Variants in NUP35 observed in about 807,000 individuals in gnomAD.
NUP35 encodes the protein nucleoporin 35, also known as nucleoporin NUP35.
A neutral mutation model predicts 41.5 loss-of-function variants in NUP35; 25 were observed. The ratio of observed to expected loss-of-function variants is 0.60; its 90% CI spans 0.44 to 0.84. The LOEUF is 0.84. Among genes scored for constraint, NUP35 ranks in the 40% least tolerant of loss-of-function variants. NUP35 has a pLI of 0.00. For missense variants in NUP35, 396 were observed against 396.6 expected, an observed-to-expected ratio of 1.00 and a Z score of 0.01; for synonymous variants, 149 against 130.7, an observed-to-expected ratio of 1.14 and a Z score of -0.96.
intron 5 of NUP35, among the ~76,000 whole-genome samples, chr2:183,152,762 G>A (rs1307789745): frequency 6.6e-6 from 1 of 152,120 alleles, no homozygotes; most frequent in Non-Finnish European, 1.5e-5. Context: ...GGCAGATTAA[G>A]TGATTTATTC....
upstream of NUP35, among the ~76,000 whole-genome samples, chr2:183,122,334 C>A (rs374316540): frequency 2.0e-5 from 3 of 152,176 alleles, no homozygotes; most frequent in Non-Finnish European, 4.4e-5. Context: ...CCTTGGCCTC[C>A]CAAAGTGCTG....
At chr2:183,120,771 C>T (rs531021006), upstream of NUP35, among the ~76,000 whole-genome samples, 29 of 152,126 alleles carry the variant, frequency 1.9e-4, no homozygotes, top group Non-Finnish European at 1.8e-4. Context: ...ACTCTAAATT[C>T]TGCTAATGCA....
chr2:183,158,904 C>T (rs955491717), intron 7 of NUP35, among the ~76,000 whole-genome samples: 3 of 152,018 alleles, frequency 2.0e-5, no homozygotes, highest in Admixed American at 2.0e-4. Context: ...TTAAATAGTA[C>T]AGAGTACAAT....
intron 3 of NUP35, among the ~76,000 whole-genome samples, chr2:183,133,169 C>T (rs1021664994): frequency 6.6e-6 from 1 of 152,044 alleles, no homozygotes; most frequent in Non-Finnish European, 1.5e-5. Flanking sequence ...TTCATGGTTT[C>T]TAAGTATCTG....
chr2:183,143,110 C>T (rs1457291263), intron 4 of NUP35, among the ~76,000 whole-genome samples: 4 of 146,994 alleles, frequency 2.7e-5, no homozygotes, highest in African/African-American at 5.1e-5. Flanking sequence ...GAGCTGAGAT[C>T]GAGCCACTGC....
At chr2:183,143,309 C>T (rs566412958) in intron 4 of NUP35, among the ~76,000 whole-genome samples, 3 of 149,172 alleles carry the variant, frequency 2.0e-5, no homozygotes, top group East Asian at 3.9e-4. Flanking sequence ...TCTATCATTG[C>T]TGGTGAGCAA....
Position 183,161,134 on chromosome 2 carries a change from G to C in NUP35, c.*3G>C. ...TGGAGTACATGTTTGGCTGGTAGTA[G>C]AACACCAAGAAGGAGGTTGCTACAC... is the stretch of plus-strand genomic sequence containing the variant. On this transcript the variant is annotated 3_prime_UTR_variant, in exon 9 of 9. Coordinates refer to ENST00000295119, the MANE Select transcript of NUP35 (RefSeq NM_138285.5). 6.2e-7 allele frequency: 1 copy of C among 1,609,070 alleles called. No homozygotes were observed. The highest frequency in any genetic ancestry group is 8.5e-7 in the Non-Finnish European group (1 of 1,176,094).
At chr2:183,155,600 ATC>A (rs1294855491) in intron 5 of NUP35, among the ~76,000 whole-genome samples, 2 of 147,038 alleles carry the variant, frequency 1.4e-5, no homozygotes, top group African/African-American at 5.1e-5. Context: ...TTTTGAGACA[ATC>A]TCTCTGTTAT....
chr2:183,151,339 T>C (rs1160920300), intron 4 of NUP35, among the ~76,000 whole-genome samples, 169 bp from the exon 5 acceptor site: 3 of 152,234 alleles, frequency 2.0e-5, no homozygotes, highest in Admixed American at 2.0e-4. Flanking sequence ...TATTACTTCC[T>C]CTAATTGTAT....
At chr2:183,120,617 G>A (rs770603723), upstream of NUP35, among the ~76,000 whole-genome samples, 5 of 151,994 alleles carry the variant, frequency 3.3e-5, no homozygotes, top group African/African-American at 7.3e-5. Context: ...AAAACAAAGT[G>A]GAGCAGACAC....
intron 3 of NUP35, among the ~76,000 whole-genome samples, 189 bp from the exon 4 acceptor site, chr2:183,133,377 G>T: frequency 6.7e-6 from 1 of 149,992 alleles, no homozygotes; most frequent in Middle Eastern, 3.5e-3. Context: ...CAAATACTAA[G>T]GGATCTAGTA....
intron 6 of NUP35, 87 bp downstream of exon 6, chr2:183,157,600 T>G (rs988474093): frequency 1.9e-5 from 18 of 953,068 alleles, no homozygotes; most frequent in Non-Finnish European, 2.6e-5. Flanking sequence ...ATTTTGTGGG[T>G]TTTTTTTAAA....
chr2:183,155,853 C>T (rs1201415653), intron 5 of NUP35, among the ~76,000 whole-genome samples: 2 of 152,020 alleles, frequency 1.3e-5, no homozygotes, highest in Non-Finnish European at 1.5e-5. Flanking sequence ...AGTATTTTTT[C>T]GTATTTCAGA....
chr2:183,159,655 A>AT lies in NUP35; in HGVS notation c.903+7dup. On this transcript the variant is annotated splice_donor_region_variant and intron_variant, in intron 8 of 8. Coordinates refer to ENST00000295119, the MANE Select transcript of NUP35 (RefSeq NM_138285.5). ...AAGCCTCTACTAGTGATTATCAGGT[A>AT]TTTTAAGGATTGGATAAAAAAAGAT... The AT allele has an allele frequency of 6.2e-7, 1 of 1,607,746 alleles. No individual in the cohort carries two copies.
At chr2:183,159,219 A>G (rs1207181612) in intron 7 of NUP35, among the ~76,000 whole-genome samples, 1 of 152,080 alleles carries the variant, frequency 6.6e-6, no homozygotes, top group Non-Finnish European at 1.5e-5. Flanking sequence ...CTGATTTTTC[A>G]TAGTGTTTTA....
At chr2:183,158,811 A>T (rs1685766298) in intron 7 of NUP35, among the ~76,000 whole-genome samples, 1 of 152,154 alleles carries the variant, frequency 6.6e-6, no homozygotes, top group South Asian at 2.1e-4. Context: ...ACATTAACTG[A>T]TAGTTAACTT....
intron 3 of NUP35, 28 bp from the exon 4 acceptor site, chr2:183,133,538 A>G: frequency 6.3e-7 from 1 of 1,582,372 alleles, no homozygotes; most frequent in Non-Finnish European, 8.6e-7. Flanking sequence ...TTGCATTTTT[A>G]CCATAACACT....
intron 4 of NUP35, among the ~76,000 whole-genome samples, chr2:183,142,392 T>C (rs868628973): frequency 6.6e-6 from 1 of 152,218 alleles, no homozygotes; most frequent in African/African-American, 2.4e-5. Flanking sequence ...GTTTCCCTTT[T>C]ATGTTATCAT....
chr2:183,135,400 G>C (rs549945948), intron 4 of NUP35, among the ~76,000 whole-genome samples: 1 of 152,286 alleles, frequency 6.6e-6, no homozygotes, highest in South Asian at 2.1e-4. Flanking sequence ...TGGAGTAAGT[G>C]AGGGGGAGAA....
Sources: gnomAD v4.1 joint callset for allele counts (sites outside exome capture counted in the v4.1 genomes callset) on GRCh38, gnomAD v4.1.1 for gene constraint, MANE v1.5 for transcripts, NCBI Gene and HGNC (gene_info 2026-07-23, HGNC 2026-07-21) for gene names.